The following OMA1 variants were observed in gnomAD, a reference collection of about 807,000 sequenced individuals.
The protein encoded by OMA1 is OMA1 zinc metallopeptidase.
A neutral mutation model predicts 30.9 loss-of-function variants in OMA1; 38 were observed. The observed-to-expected ratio is 1.23, with a 90% CI of 0.95 to 1.61. The LOEUF (loss-of-function observed/expected upper bound fraction) is 1.61, where lower values mean the gene tolerates loss of function less well. Ranked by LOEUF, OMA1 falls within the 40% of genes most tolerant of loss-of-function variation. The pLI, the probability that OMA1 is intolerant of heterozygous loss-of-function variation, is 0.00. For synonymous variants in OMA1, 173 were observed against 121.9 expected, an observed-to-expected ratio of 1.42 and a Z score of -2.76; for missense variants, 461 against 349.2, an observed-to-expected ratio of 1.32 and a Z score of -2.55.
chr1:58,526,739 G>C (rs1646356112), intron 7 of OMA1, among the ~76,000 whole-genome samples: 1 of 152,012 alleles, frequency 6.6e-6, no homozygotes, highest in Non-Finnish European at 1.5e-5. Context: ...TCTTCAAGTG[G>C]GGGAAAACAA....
intron 1 of OMA1, among the ~76,000 whole-genome samples, chr1:58,544,310 G>A (rs542375947): frequency 1.7e-4 from 26 of 151,910 alleles, no homozygotes; most frequent in South Asian, 1.0e-3. Context: ...TAAATGCTAG[G>A]CACCATAATG....
At chr1:58,530,410 G>A (rs1295391200) in intron 6 of OMA1, among the ~76,000 whole-genome samples, 191 bp downstream of exon 6, 1 of 152,180 alleles carries the variant, frequency 6.6e-6, no homozygotes, top group African/African-American at 2.4e-5. Context: ...TTTGAGAGAT[G>A]TAGTATTCCT....
intron 7 of OMA1, among the ~76,000 whole-genome samples, chr1:58,519,581 A>T (rs1646228337): frequency 6.6e-6 from 1 of 152,176 alleles, no homozygotes; most frequent in African/African-American, 2.4e-5. Context: ...CTGATGGAAA[A>T]AAAAAATATA....
intron 7 of OMA1, among the ~76,000 whole-genome samples, chr1:58,510,493 T>C (rs1432601216): frequency 6.6e-6 from 1 of 152,124 alleles, no homozygotes; most frequent in Non-Finnish European, 1.5e-5. Context: ...TATAGCTATA[T>C]ATGAAAAGCC....
At chr1:58,537,241 A>T (rs562204374) in intron 2 of OMA1, among the ~76,000 whole-genome samples, 41 of 152,298 alleles carry the variant, frequency 2.7e-4, no homozygotes, top group African/African-American at 9.4e-4. Flanking sequence ...TAGCCACTTA[A>T]TAGGGATAAA....
At chr1:58,538,566 C>A (rs1646554632) in intron 2 of OMA1, among the ~76,000 whole-genome samples, 1 of 151,928 alleles carries the variant, frequency 6.6e-6, no homozygotes, top group South Asian at 2.1e-4. Flanking sequence ...AATTAGTATG[C>A]AGGAAATTGT....
At chr1:58,543,993 A>C (rs894473377) in intron 1 of OMA1, among the ~76,000 whole-genome samples, 12 of 152,218 alleles carry the variant, frequency 7.9e-5, no homozygotes, top group African/African-American at 2.9e-4. Flanking sequence ...TGTATCGCAC[A>C]GTACAGGTTT....
At chr1:58,514,633 T>C (rs17117624) in intron 7 of OMA1, among the ~76,000 whole-genome samples, 1 of 152,124 alleles carries the variant, frequency 6.6e-6, no homozygotes, top group Non-Finnish European at 1.5e-5. Context: ...AGACATGTGA[T>C]AGGTAAAATA....
chr1:58,543,162 C>A (rs369177288), intron 1 of OMA1, among the ~76,000 whole-genome samples: 1 of 152,016 alleles, frequency 6.6e-6, no homozygotes, highest in African/African-American at 2.4e-5. Context: ...TTACTTTATC[C>A]CCAAAATAAT....
intron 5 of OMA1, 98 bp from the exon 6 acceptor site, chr1:58,530,827 C>T: frequency 4.3e-6 from 3 of 705,798 alleles, no homozygotes; most frequent in Non-Finnish European, 5.0e-6. Flanking sequence ...ACCTGACCTT[C>T]TCCACCTAAG....
intron 7 of OMA1, among the ~76,000 whole-genome samples, chr1:58,517,008 G>A (rs1348803828): frequency 6.6e-6 from 1 of 152,132 alleles, no homozygotes; most frequent in Non-Finnish European, 1.5e-5. Context: ...ACAATGGCAA[G>A]AAGTCAAGGG....
intron 7 of OMA1, among the ~76,000 whole-genome samples, chr1:58,520,367 A>G (rs1274790906): frequency 6.6e-6 from 1 of 152,222 alleles, no homozygotes; most frequent in Non-Finnish European, 1.5e-5. Context: ...CAACTCAAGA[A>G]TAAGAACACA....
chr1:58,531,691 T>C (rs906219461), intron 5 of OMA1, among the ~76,000 whole-genome samples: 16 of 142,580 alleles, frequency 1.1e-4, no homozygotes, highest in African/African-American at 4.1e-4. Context: ...CAAATGTGTG[T>C]TTTGAAAAAC....
At chr1:58,542,198 A>G (rs2100500856) in intron 1 of OMA1, among the ~76,000 whole-genome samples, 1 of 152,364 alleles carries the variant, frequency 6.6e-6, no homozygotes, top group South Asian at 2.1e-4. Flanking sequence ...TTAAATTAGT[A>G]AAGTCCAGGC....
intron 1 of OMA1, among the ~76,000 whole-genome samples, chr1:58,543,239 AAC>A (rs1483337038): frequency 2.0e-5 from 3 of 152,222 alleles, no homozygotes; most frequent in African/African-American, 7.2e-5. Flanking sequence ...CATGGTATAA[AAC>A]AGTTATACAT....
intron 7 of OMA1, among the ~76,000 whole-genome samples, chr1:58,507,912 A>T (rs1289458693): frequency 6.6e-6 from 1 of 152,148 alleles, no homozygotes; most frequent in African/African-American, 2.4e-5. Context: ...CCCTCTGAAA[A>T]CTGGAAGATA....
intron 8 of OMA1, among the ~76,000 whole-genome samples, chr1:58,484,045 T>C (rs1371205383): frequency 2.6e-5 from 4 of 152,206 alleles, no homozygotes; most frequent in African/African-American, 7.2e-5. Flanking sequence ...AAGATCTTTG[T>C]GTATTCAGTA....
rs1172534627 is a variant in OMA1 at position 58,518,243 on chromosome 1, AGG to A, written c.1215+9016_1215+9017del. On this transcript the variant is annotated intron_variant, in intron 7 of 8. Transcript: ENST00000371226. ...GGAGAGGGGAGAGGGGAGAGGGGAG[AGG>A]GGAGAGGGGAGAGGGGAGAGGAGAG... is the stretch of plus-strand genomic sequence containing the variant. Among the ~76,000 whole-genome samples the A allele has an allele frequency of 9.6e-4, 7 of 7,318 alleles. 1 individual carries two copies. The highest frequency in any genetic ancestry group is 5.0e-3 in the African/African-American group (5 of 996). The allele number at this position is 7,318 out of a possible 152,430, so 4.8% of individuals were successfully genotyped here.
chr1:58,484,922 A>T (rs2100356769), intron 8 of OMA1, among the ~76,000 whole-genome samples: 1 of 152,232 alleles, frequency 6.6e-6, no homozygotes, highest in African/African-American at 2.4e-5. Context: ...ATGAGTAGGC[A>T]CAGAGTGTAT....
Sources: gnomAD v4.1 joint callset for allele counts (sites outside exome capture counted in the v4.1 genomes callset) on GRCh38, gnomAD v4.1.1 for gene constraint, MANE v1.5 for transcripts, NCBI Gene and HGNC (gene_info 2026-07-23, HGNC 2026-07-21) for gene names.